MB21D2: variants seen among roughly 807,000 people sequenced by gnomAD.
The protein encoded by MB21D2 is Mab-21 domain containing 2.
Under a neutral mutation model 33.3 loss-of-function variants are expected in MB21D2, and 9 were observed. That is an observed-to-expected ratio of 0.27 (90% confidence interval 0.16 to 0.47). The LOEUF is 0.47. Ranked by LOEUF, MB21D2 falls within the 20% of genes least tolerant of loss-of-function variation. The pLI is 0.99. For missense variants in MB21D2, 540 were observed against 624.6 expected, an observed-to-expected ratio of 0.86 and a Z score of 1.44; for synonymous variants, 241 against 236.3, an observed-to-expected ratio of 1.02 and a Z score of -0.18.
intron 1 of MB21D2, among the ~76,000 whole-genome samples, chr3:192,895,080 G>C (rs181930904): frequency 9.9e-5 from 15 of 152,204 alleles, no homozygotes; most frequent in Admixed American, 2.0e-4. Flanking sequence ...GCCTGGGTTG[G>C]GGGGGAGGGG....
In MB21D2 at chr3:192,874,122, G is replaced by GGAAA. The variant is rs1277200483; in HGVS notation, c.211+43504_211+43507dup. On this transcript the variant is annotated intron_variant, in intron 1 of 1. Coordinates refer to ENST00000392452, the MANE Select transcript of MB21D2 (RefSeq NM_178496.4). ...AGACGGGTACAAGAGGAAGTGAATG[G>GGAAA]GAAAGGCATAAAGAAGCATCCAGGG... 2.0e-5 allele frequency among the ~76,000 whole-genome samples: 3 copies of GGAAA among 152,278 alleles called. No homozygotes were observed. In the East Asian group the frequency reaches 5.8e-4, roughly 29 times the overall value.
chr3:192,821,894 A>C (rs62293190), intron 1 of MB21D2, among the ~76,000 whole-genome samples: 1 of 152,174 alleles, frequency 6.6e-6, no homozygotes, highest in South Asian at 2.1e-4. Context: ...AACTGTGCTC[A>C]ATTTTTTTCT....
chr3:192,903,243 A>G (rs1318239701), intron 1 of MB21D2, among the ~76,000 whole-genome samples: 2 of 152,218 alleles, frequency 1.3e-5, no homozygotes, highest in Non-Finnish European at 2.9e-5. Context: ...TTAAAGCATT[A>G]ATTACCCAAC....
chr3:192,890,601 A>T (rs1713831792), intron 1 of MB21D2, among the ~76,000 whole-genome samples: 1 of 151,094 alleles, frequency 6.6e-6, no homozygotes. Flanking sequence ...AAAAAAAAAA[A>T]TCCTACCTAT....
chr3:192,906,255 C>T (rs1462594863), intron 1 of MB21D2, among the ~76,000 whole-genome samples: 2 of 152,148 alleles, frequency 1.3e-5, no homozygotes, highest in African/African-American at 2.4e-5. Flanking sequence ...TTCTACATTC[C>T]TCCTACTCCA....
At chr3:192,820,411 G>A (rs1177406401) in intron 1 of MB21D2, among the ~76,000 whole-genome samples, 1 of 152,032 alleles carries the variant, frequency 6.6e-6, no homozygotes, top group Non-Finnish European at 1.5e-5. Flanking sequence ...GCCTTTCAAA[G>A]TCCAGGGATG....
intron 1 of MB21D2, among the ~76,000 whole-genome samples, chr3:192,901,688 T>C (rs1314217809): frequency 6.6e-6 from 1 of 152,206 alleles, no homozygotes; most frequent in Non-Finnish European, 1.5e-5. Flanking sequence ...TTAGTCACTA[T>C]AAGGGTCACT....
At chr3:192,865,800 C>T (rs1713155142) in intron 1 of MB21D2, among the ~76,000 whole-genome samples, 1 of 152,090 alleles carries the variant, frequency 6.6e-6, no homozygotes, top group South Asian at 2.1e-4. Flanking sequence ...AATCTCAGCA[C>T]TTTGGGAGGT....
chr3:192,800,105 T>A (rs1711523057), intron 1 of MB21D2, among the ~76,000 whole-genome samples: 1 of 152,202 alleles, frequency 6.6e-6, no homozygotes, highest in African/African-American at 2.4e-5. Flanking sequence ...CGGCCTTTTT[T>A]ATCTATTGCC....
chr3:192,815,917 C>T (rs1208177642), intron 1 of MB21D2, among the ~76,000 whole-genome samples: 6 of 152,082 alleles, frequency 3.9e-5, no homozygotes, highest in Admixed American at 3.9e-4. Context: ...GGACAATTGG[C>T]GCCCATACCA....
At position 192,816,704 on chromosome 3, in the gene MB21D2, A is replaced by G. The variant is rs145476147; in HGVS notation, c.212-17054T>C. Among the ~76,000 whole-genome samples the G allele has an allele frequency of 9.8e-3, 1,487 of 152,264 alleles. 19 individuals are homozygous for G. The highest frequency in any genetic ancestry group is 0.013 in the Non-Finnish European group (896 of 68,018). On this transcript the variant is annotated intron_variant, in intron 1 of 1. Transcript: ENST00000392452. ...GGTAAGATTCACAGCTTTGAGGTGA[A>G]CAAGGAAGACAGAAAAGAAGGATGC...
chr3:192,812,779 G>A (rs1711816216), intron 1 of MB21D2, among the ~76,000 whole-genome samples: 1 of 152,178 alleles, frequency 6.6e-6, no homozygotes, highest in South Asian at 2.1e-4. Context: ...AGGGAAGCAG[G>A]AGAAAAGTTA....
At position 192,873,009 on chromosome 3, in the gene MB21D2, AC is replaced by A. The variant is rs780328953; in HGVS notation, c.211+44620del. Among the ~76,000 whole-genome samples the A allele has an allele frequency of 4.2e-5, 6 of 141,990 alleles. No individual in the cohort carries two copies. The East Asian group carries it at 8.4e-4, about 20-fold the overall frequency. 93.2% of individuals were successfully genotyped at this position (141,990 alleles called of 152,430 possible). ...CATAAAATTCACAAGTTTAGAAGAC[AC>A]CCCCCCCCACCAAGCAAGCAACTCA... is the stretch of plus-strand genomic sequence containing the variant. On this transcript the variant is annotated intron_variant, in intron 1 of 1. Coordinates refer to ENST00000392452, the MANE Select transcript of MB21D2 (RefSeq NM_178496.4).
chr3:192,898,817 G>C (rs577908710), intron 1 of MB21D2, among the ~76,000 whole-genome samples: 37 of 152,318 alleles, frequency 2.4e-4, no homozygotes, highest in African/African-American at 8.2e-4. Context: ...ACCTGTTCTA[G>C]GCTGGCCCAA....
chr3:192,906,740 G>A (rs1356577056), intron 1 of MB21D2, among the ~76,000 whole-genome samples: 1 of 152,220 alleles, frequency 6.6e-6, no homozygotes, highest in South Asian at 2.1e-4. Context: ...ATCTATGGAG[G>A]TAGTGGTCTT....
chr3:192,802,642 C>A (rs1028924247), intron 1 of MB21D2, among the ~76,000 whole-genome samples: 1 of 152,076 alleles, frequency 6.6e-6, no homozygotes, highest in Non-Finnish European at 1.5e-5. Flanking sequence ...TACCATCCCA[C>A]GTTTTGGTTA....
Position 192,799,153 on chromosome 3 carries a change from G to T in MB21D2, c.709C>A (p.Pro237Thr), listed in dbSNP as rs1202591108. 6.2e-7 allele frequency: 1 copy of T among 1,614,158 alleles called. No homozygotes were observed. Among genetic ancestry groups the T allele is most frequent in the South Asian group, 1.1e-5 (1 of 91,078 alleles). The change falls in exon 2 of 2, where the codon CCT (proline) becomes ACT (threonine). Residue 237 changes from proline (P) to threonine (T), a missense_variant. Transcript: ENST00000392452. The surrounding 1 kb of genome is among the most constrained non-coding windows in gnomAD (Gnocchi z 4.1). ...GSSRMLYDIVPVVSFKGWPAV... is the reference protein window; with the variant it reads ...GSSRMLYDIVTVVSFKGWPAV... ...GGCCAACCTTTGAAAGATACCACAG[G>T]GACAATATCATACAACATGCGACTA...
intron 1 of MB21D2, among the ~76,000 whole-genome samples, chr3:192,871,309 T>C (rs192385460): frequency 1.3e-3 from 204 of 152,314 alleles, no homozygotes; most frequent in African/African-American, 4.8e-3. Context: ...ATGACGGTTA[T>C]TTAGGGGTTG....
At chr3:192,849,522 T>C (rs1712753617) in intron 1 of MB21D2, among the ~76,000 whole-genome samples, 2 of 152,192 alleles carry the variant, frequency 1.3e-5, no homozygotes, top group African/African-American at 2.4e-5. Flanking sequence ...TTCACCATGT[T>C]GGTCAGGCTG....
Sources: gnomAD v4.1 joint callset for allele counts (sites outside exome capture counted in the v4.1 genomes callset) on GRCh38, gnomAD v4.1.1 for gene constraint, Gnocchi (gnomAD v3.1) non-coding constraint, MANE v1.5 for transcripts, NCBI Gene and HGNC (gene_info 2026-07-23, HGNC 2026-07-21) for gene names.